SATB2: variants seen among roughly 807,000 people sequenced by gnomAD.
SATB2 encodes the protein DNA-binding protein SATB2.
Under a neutral mutation model 73.4 loss-of-function variants are expected in SATB2, and 1 was observed. The ratio of observed to expected loss-of-function variants is 0.01; its 90% CI spans 0.00 to 0.06. SATB2 has a LOEUF of 0.06. SATB2 is among the 10% of genes least tolerant of loss of function. The pLI, the probability that SATB2 is intolerant of heterozygous loss-of-function variation, is 1.00. For synonymous variants in SATB2, 397 were observed against 367.0 expected (o/e 1.08, Z -0.93); for missense variants, 459 against 945.8 (o/e 0.49, Z 6.75).
At chr2:199,345,039 C>A (rs1688609658) in intron 7 of SATB2, among the ~76,000 whole-genome samples, 1 of 152,042 alleles carries the variant, frequency 6.6e-6, no homozygotes. Flanking sequence ...CACGCATGTC[C>A]TCTATACTCT....
At chr2:199,332,634 T>A (rs1017300366) in intron 7 of SATB2, among the ~76,000 whole-genome samples, 7 of 152,154 alleles carry the variant, frequency 4.6e-5, no homozygotes, top group Non-Finnish European at 7.4e-5. Context: ...TTCTAGTATT[T>A]TAAAATATTT....
At chr2:199,325,077 T>C (rs1007539291) in intron 8 of SATB2, among the ~76,000 whole-genome samples, 1 of 152,144 alleles carries the variant, frequency 6.6e-6, no homozygotes, top group African/African-American at 2.4e-5. Context: ...CGGCAGAACT[T>C]AAGGCCCTAC....
At chr2:199,362,924 T>A (rs923627576) in intron 6 of SATB2, among the ~76,000 whole-genome samples, 1 of 152,204 alleles carries the variant, frequency 6.6e-6, no homozygotes, top group African/African-American at 2.4e-5. Context: ...TTTCTTAATG[T>A]CTATTTAAAA....
intron 3 of SATB2, chr2:199,397,405 T>C (rs1240924437): frequency 6.6e-6 from 1 of 152,536 alleles, no homozygotes; most frequent in Non-Finnish European, 1.5e-5. Flanking sequence ...AGTTCAAGTA[T>C]GAGTGAATCT....
chr2:199,283,496 C>A (rs1266325813), intron 10 of SATB2, among the ~76,000 whole-genome samples: 1 of 150,516 alleles, frequency 6.6e-6, no homozygotes, highest in Non-Finnish European at 1.5e-5. Flanking sequence ...TGCAAGCCAG[C>A]ATTTCCCACC....
intron 9 of SATB2, among the ~76,000 whole-genome samples, chr2:199,319,657 A>G (rs13384118): frequency 0.03 from 4,564 of 151,938 alleles, 246 homozygotes; most frequent in African/African-American, 0.11. Flanking sequence ...TTCTCTCCCT[A>G]CTCTATTTTT....
At chr2:199,293,968 T>C (rs913316079) in intron 10 of SATB2, among the ~76,000 whole-genome samples, 1 of 152,096 alleles carries the variant, frequency 6.6e-6, no homozygotes, top group African/African-American at 2.4e-5. Flanking sequence ...ACTTTCAACT[T>C]TCTAAATAAT....
chr2:199,292,744 G>A (rs920922928), intron 10 of SATB2, among the ~76,000 whole-genome samples: 1 of 152,164 alleles, frequency 6.6e-6, no homozygotes, highest in African/African-American at 2.4e-5. Context: ...CATCTGGAAA[G>A]CAGTTATACA....
chr2:199,292,820 A>C (rs1256627552), intron 10 of SATB2, among the ~76,000 whole-genome samples: 5 of 152,190 alleles, frequency 3.3e-5, no homozygotes, highest in African/African-American at 1.2e-4. Flanking sequence ...AAATGCTGTC[A>C]AAGTAGATTG....
At chr2:199,426,894 GTCTT>G (rs1691353013) in intron 3 of SATB2, among the ~76,000 whole-genome samples, 2 of 152,040 alleles carry the variant, frequency 1.3e-5, no homozygotes, top group Non-Finnish European at 2.9e-5. Flanking sequence ...TAGAGACAGA[GTCTT>G]TCTCTGTCGC....
chr2:199,395,828 G>C (rs1294604159), intron 3 of SATB2: 2 of 152,088 alleles, frequency 1.3e-5, no homozygotes, highest in Admixed American at 1.3e-4. Flanking sequence ...TAATAAATCA[G>C]AATAAGGCCT....
chr2:199,362,879 G>T (rs1689178711), intron 6 of SATB2, among the ~76,000 whole-genome samples: 1 of 152,118 alleles, frequency 6.6e-6, no homozygotes, highest in Non-Finnish European at 1.5e-5. Context: ...GCAGGGAGGG[G>T]CGTAAGGAAA....
chr2:199,277,442 T>G (rs1692350234), intron 10 of SATB2, among the ~76,000 whole-genome samples: 1 of 152,200 alleles, frequency 6.6e-6, no homozygotes, highest in African/African-American at 2.4e-5. Flanking sequence ...ATGGAATATT[T>G]AATTCTGTAA....
chr2:199,442,881 CT>C (rs1434621436), intron 2 of SATB2, among the ~76,000 whole-genome samples: 3 of 152,102 alleles, frequency 2.0e-5, no homozygotes, highest in Non-Finnish European at 4.4e-5. Context: ...TCTTCAGGTT[CT>C]TTTTACGATA....
At chr2:199,386,689 TGC>T (rs1461792686) in intron 3 of SATB2, among the ~76,000 whole-genome samples, 3 of 36,856 alleles carry the variant, frequency 8.1e-5, no homozygotes, top group African/African-American at 6.6e-4. Flanking sequence ...TTCATACACG[TGC>T]GCAAGCGCGC....
At chr2:199,326,546 A>C (rs1218601944) in intron 8 of SATB2, among the ~76,000 whole-genome samples, 2 of 152,082 alleles carry the variant, frequency 1.3e-5, no homozygotes, top group Non-Finnish European at 2.9e-5. Flanking sequence ...AGTACAAAAG[A>C]GCTGAAAACA....
At chr2:199,430,959 A>G (rs1025325823) in intron 3 of SATB2, among the ~76,000 whole-genome samples, 3 of 152,218 alleles carry the variant, frequency 2.0e-5, no homozygotes, top group Admixed American at 6.5e-5. Flanking sequence ...CTATCCTTGC[A>G]GTTTAGTTCT....
At chr2:199,321,544 GTA>G (rs139076827) in intron 9 of SATB2, among the ~76,000 whole-genome samples, 2 of 150,410 alleles carry the variant, frequency 1.3e-5, no homozygotes, top group Non-Finnish European at 3.0e-5. Context: ...ACATATATGT[GTA>G]TATATATACA....
chr2:199,458,667 A>G (rs1410806571), upstream of SATB2: 2 of 442,176 alleles, frequency 4.5e-6, no homozygotes, highest in Non-Finnish European at 9.0e-6. Context: ...GACGCGCAAG[A>G]GGCGACCGCG....
Sources: gnomAD v4.1 joint callset for allele counts (sites outside exome capture counted in the v4.1 genomes callset) on GRCh38, gnomAD v4.1.1 for gene constraint, MANE v1.5 for transcripts, NCBI Gene and HGNC (gene_info 2026-07-23, HGNC 2026-07-21) for gene names.